Variants in PIK3C2B observed in about 807,000 individuals in gnomAD.
The protein encoded by PIK3C2B is phosphatidylinositol-4-phosphate 3-kinase catalytic subunit type 2 beta.
Under a neutral mutation model 184.3 loss-of-function variants are expected in PIK3C2B, and 83 were observed. The ratio of observed to expected loss-of-function variants is 0.45; its 90% CI spans 0.38 to 0.54. PIK3C2B has a LOEUF of 0.54. PIK3C2B is among the 20% of genes least tolerant of loss of function. PIK3C2B has a pLI of 0.00. For missense variants in PIK3C2B, 1,736 were observed against 2,113.5 expected (o/e 0.82, Z 3.50); for synonymous variants, 779 against 837.6 (o/e 0.93, Z 1.21).
chr1:204,453,238 G>C (rs1654524156), intron 12 of PIK3C2B, among the ~76,000 whole-genome samples: 1 of 152,184 alleles, frequency 6.6e-6, no homozygotes, highest in Non-Finnish European at 1.5e-5. Flanking sequence ...TTTTCTGACT[G>C]ACTGGAAGGA....
chr1:204,443,147 T>C (rs1380344709), intron 19 of PIK3C2B, among the ~76,000 whole-genome samples: 1 of 152,242 alleles, frequency 6.6e-6, no homozygotes, highest in Non-Finnish European at 1.5e-5. Flanking sequence ...CTGAGTGCTC[T>C]TGTGCAATGA....
chr1:204,431,643 G>T lies in PIK3C2B; in HGVS notation c.4280+26C>A, dbSNP rs368072683. 18 of 1,613,410 alleles carry T rather than the reference G, an allele frequency of 1.1e-5. No homozygotes were observed. In the East Asian group the frequency reaches 2.2e-4, roughly 20 times the overall value. Reference sequence around the variant, plus strand: ...CTTTCCCCCTCCCCGACATCCCTCTGTGCAGATAGTAAAGGGGGCAGCTAC... The same window carrying T: ...CTTTCCCCCTCCCCGACATCCCTCTTTGCAGATAGTAAAGGGGGCAGCTAC... On this transcript the variant is annotated intron_variant, in intron 28 of 32. Coordinates refer to ENST00000684373, the MANE Select transcript of PIK3C2B (RefSeq NM_001377334.1).
chr1:204,433,284 G>T lies in PIK3C2B; in HGVS notation c.3953+32C>A. ...GCAGGCTGGGAATTACTCAGGGTGG[G>T]CAGTGCTGATTCGCTCAGGGAATCA... is the stretch of plus-strand genomic sequence containing the variant. On this transcript the variant is annotated intron_variant, in intron 26 of 32. Coordinates refer to ENST00000684373, the MANE Select transcript of PIK3C2B (RefSeq NM_001377334.1). This position sits in a 1 kb window ranked among gnomAD's most constrained non-coding sequence, Gnocchi z 5.0. 1 of 1,134,378 alleles carries T rather than the reference G, an allele frequency of 8.8e-7. No homozygotes were observed. The highest frequency in any genetic ancestry group is 1.3e-6 in the Non-Finnish European group (1 of 745,776). 70.3% of individuals were successfully genotyped at this position (1,134,378 alleles called of 1,614,324 possible).
chr1:204,494,089 C>T (rs2102241054), intron 1 of PIK3C2B, among the ~76,000 whole-genome samples: 1 of 151,728 alleles, frequency 6.6e-6, no homozygotes, highest in East Asian at 2.0e-4. Context: ...GGGGTGGGGA[C>T]GCGGGTGCCT....
Position 204,432,502 on chromosome 1 carries a change from A to G in PIK3C2B, c.3954-101T>C, listed in dbSNP as rs1428166632. The G allele has an allele frequency of 8.5e-6, 7 of 824,782 alleles. No homozygotes were observed. The South Asian group carries it at 1.0e-4, about 12-fold the overall frequency. 51.1% of individuals were successfully genotyped at this position (824,782 alleles called of 1,614,324 possible). ...ATATTCCTGACTCCTGAGACTAACAATCAGCTCAGATCAAACCATTTTCCT... is the reference window on the plus strand; with the variant it reads ...ATATTCCTGACTCCTGAGACTAACAGTCAGCTCAGATCAAACCATTTTCCT... On this transcript the variant is annotated intron_variant, in intron 26 of 32. Transcript: ENST00000684373.
At chr1:204,458,173 A>G (rs1414864799) in intron 8 of PIK3C2B, among the ~76,000 whole-genome samples, 1 of 152,128 alleles carries the variant, frequency 6.6e-6, no homozygotes, top group African/African-American at 2.4e-5. Flanking sequence ...ACATATATAC[A>G]GGGTCTCTCC....
intron 1 of PIK3C2B, among the ~76,000 whole-genome samples, chr1:204,491,073 G>A (rs1225049198): frequency 6.6e-6 from 1 of 152,134 alleles, no homozygotes; most frequent in Admixed American, 6.5e-5. Context: ...CGTCTCATGG[G>A]CATTCAAGGA....
At chr1:204,485,190 A>G (rs992453403) in intron 1 of PIK3C2B, among the ~76,000 whole-genome samples, 3 of 152,120 alleles carry the variant, frequency 2.0e-5, no homozygotes, top group African/African-American at 7.2e-5. Flanking sequence ...CTGGAATTAC[A>G]GGGGTAAGCC....
In PIK3C2B at chr1:204,424,226, C is replaced by T; in HGVS notation, c.*626G>A. 1 of 172,426 alleles carries T rather than the reference C, an allele frequency of 5.8e-6. No individual in the cohort carries two copies. Among genetic ancestry groups the T allele is most frequent in the South Asian group, 1.3e-4 (1 of 7,860 alleles). The allele number at this position is 172,426 out of a possible 1,614,324, so 10.7% of individuals were successfully genotyped here. The stretch of plus-strand genomic sequence containing the variant: ...ACAAGCCTCAGTCCAGCACAGGCAG[C>T]CCTCCCCAACCCTCCCCAACCTGTC... On this transcript the variant is annotated 3_prime_UTR_variant, in exon 33 of 33. Coordinates refer to ENST00000684373, the MANE Select transcript of PIK3C2B (RefSeq NM_001377334.1).
At chr1:204,492,624 G>C (rs1358276394) in intron 1 of PIK3C2B, among the ~76,000 whole-genome samples, 1 of 152,138 alleles carries the variant, frequency 6.6e-6, no homozygotes, top group African/African-American at 2.4e-5. Flanking sequence ...ACTAGGTCAT[G>C]ACAAAGACCA....
In PIK3C2B at chr1:204,464,619, A is replaced by T; in HGVS notation, c.1035-15T>A. On this transcript the variant is annotated splice_polypyrimidine_tract_variant and intron_variant, in intron 3 of 32. Coordinates refer to ENST00000684373, the MANE Select transcript of PIK3C2B (RefSeq NM_001377334.1). Reference sequence around the variant, plus strand: ...CAGATCGAAGGCTGTACAGGAAGAAAAAAAACCCTCACTGTGCCTTTAGAA... The same window carrying T: ...CAGATCGAAGGCTGTACAGGAAGAATAAAAACCCTCACTGTGCCTTTAGAA... 6.2e-7 allele frequency: 1 copy of T among 1,611,392 alleles called. No homozygotes were observed. The highest frequency in any genetic ancestry group is 8.5e-7 in the Non-Finnish European group (1 of 1,178,922).
Position 204,425,680 on chromosome 1 carries a change from G to A in PIK3C2B, c.4649C>T (p.Pro1550Leu). The change falls in exon 32 of 33, where the codon CCT becomes CTT. Residue 1550 changes from proline (P) to leucine (L), a missense_variant. Around this residue, in one of 8 missense-constraint regions of PIK3C2B, gnomAD observed 95 missense variants for 164.2 expected, o/e 0.58. Transcript: ENST00000684373. ...PYVKIYLLPDPQKTTKRKTKV... is the reference protein window; with the variant it reads ...PYVKIYLLPDLQKTTKRKTKV... ...GGTTTTCCTCTTAGTGGTTTTCTGAGGGTCAGGAAGGAGGTAAATTTTCAC... is the reference window on the plus strand; with the variant it reads ...GGTTTTCCTCTTAGTGGTTTTCTGAAGGTCAGGAAGGAGGTAAATTTTCAC... 1.2e-6 allele frequency: 2 copies of A among 1,614,006 alleles called. No homozygotes were observed. The highest frequency in any genetic ancestry group is 1.1e-5 in the South Asian group (1 of 91,070).
At chr1:204,443,069 C>G (rs1675760932) in intron 19 of PIK3C2B, among the ~76,000 whole-genome samples, 1 of 152,240 alleles carries the variant, frequency 6.6e-6, no homozygotes, top group Admixed American at 6.5e-5. Flanking sequence ...GGCATCAGGC[C>G]TGAGCCATGG....
chr1:204,483,596 T>C (rs1657361878), intron 1 of PIK3C2B, among the ~76,000 whole-genome samples: 1 of 152,208 alleles, frequency 6.6e-6, no homozygotes. Flanking sequence ...GGAATGGTTA[T>C]GGGTCATGAA....
chr1:204,455,573 G>C (rs1273149216), intron 11 of PIK3C2B, among the ~76,000 whole-genome samples: 1 of 152,106 alleles, frequency 6.6e-6, no homozygotes, highest in Non-Finnish European at 1.5e-5. Flanking sequence ...CCTTCCACTG[G>C]TCTTGGATCT....
At chr1:204,451,636 T>C (rs1223183703) in intron 12 of PIK3C2B, among the ~76,000 whole-genome samples, 1 of 146,668 alleles carries the variant, frequency 6.8e-6, no homozygotes, top group African/African-American at 2.4e-5. Flanking sequence ...TTAATTCCCA[T>C]CTCTGTGCCT....
At position 204,433,529 on chromosome 1, in the gene PIK3C2B, C is replaced by A; in HGVS notation, c.3844-104G>T. The A allele has an allele frequency of 1.3e-6, 1 of 796,632 alleles. No homozygotes were observed. Among genetic ancestry groups the A allele is most frequent in the East Asian group, 2.5e-5 (1 of 39,872 alleles). The allele number at this position is 796,632 out of a possible 1,614,324, so 49.3% of individuals were successfully genotyped here. On this transcript the variant is annotated intron_variant, in intron 25 of 32. Transcript: ENST00000684373. The surrounding 1 kb of genome is among the most constrained non-coding windows in gnomAD (Gnocchi z 5.0). ...TTTTCTACAGCTAGGCTCCCTAACCCTTCTAGAGGGTGGTAGACAGATGCT... is the reference window on the plus strand; with the variant it reads ...TTTTCTACAGCTAGGCTCCCTAACCATTCTAGAGGGTGGTAGACAGATGCT...
intron 14 of PIK3C2B, among the ~76,000 whole-genome samples, chr1:204,448,754 G>A (rs574712928): frequency 1.3e-5 from 2 of 152,214 alleles, no homozygotes; most frequent in African/African-American, 2.4e-5. Context: ...AGTGCACCTT[G>A]GGCGTGACCA....
chr1:204,493,102 G>A (rs1658116863), intron 1 of PIK3C2B, among the ~76,000 whole-genome samples: 1 of 152,150 alleles, frequency 6.6e-6, no homozygotes, highest in East Asian at 1.9e-4. Context: ...TTTGGGGGTC[G>A]GCATTGCCAC....
Sources: gnomAD v4.1 joint callset for allele counts (sites outside exome capture counted in the v4.1 genomes callset) on GRCh38, gnomAD v4.1.1 for gene constraint, gnomAD v4.1.1 regional missense constraint, Gnocchi (gnomAD v3.1) non-coding constraint, MANE v1.5 for transcripts, NCBI Gene and HGNC (gene_info 2026-07-23, HGNC 2026-07-21) for gene names.